Variants in XPO7 observed in about 807,000 individuals in gnomAD.
XPO7 encodes exportin-7.
A neutral mutation model predicts 144.3 loss-of-function variants in XPO7; 21 were observed. The observed-to-expected ratio is 0.15, with a 90% CI of 0.10 to 0.21. XPO7 has a LOEUF of 0.21. Ranked by LOEUF, XPO7 falls within the 10% of genes least tolerant of loss-of-function variation. The pLI is 1.00. For synonymous variants in XPO7, 580 were observed against 499.6 expected, an observed-to-expected ratio of 1.16 and a Z score of -2.15; for missense variants, 808 against 1,325.8, an observed-to-expected ratio of 0.61 and a Z score of 6.06.
At chr8:21,999,819 G>A (rs1813078092) in intron 24 of XPO7, 145 bp downstream of exon 24, 1 of 1,051,598 alleles carries the variant, frequency 9.5e-7, no homozygotes, top group African/African-American at 1.6e-5. Context: ...ATAATGCACA[G>A]CACATGCTTA....
At chr8:21,920,666 C>G (rs1810250617) in intron 1 of XPO7, among the ~76,000 whole-genome samples, 1 of 152,168 alleles carries the variant, frequency 6.6e-6, no homozygotes, top group Non-Finnish European at 1.5e-5. Flanking sequence ...AGATGGAGGA[C>G]TGCAGGGTTT....
At chr8:21,990,151 T>C (rs981784613) in intron 16 of XPO7, among the ~76,000 whole-genome samples, 193 bp from the exon 17 acceptor site, 1 of 151,956 alleles carries the variant, frequency 6.6e-6, no homozygotes, top group Non-Finnish European at 1.5e-5. Context: ...GCCCGGCCAG[T>C]ATAGGTGTTT....
intron 13 of XPO7, 42 bp from the exon 14 acceptor site, chr8:21,987,099 G>C (rs779879304): frequency 6.2e-7 from 1 of 1,612,032 alleles, no homozygotes; most frequent in Non-Finnish European, 8.5e-7. Context: ...GAGTAAACAG[G>C]ATGTCCTGCT....
intron 1 of XPO7, among the ~76,000 whole-genome samples, chr8:21,953,942 G>T (rs1811454060): frequency 6.6e-6 from 1 of 152,058 alleles, no homozygotes; most frequent in African/African-American, 2.4e-5. Flanking sequence ...CTCCCATTTG[G>T]TAACTAGTCT....
intron 1 of XPO7, among the ~76,000 whole-genome samples, chr8:21,924,179 A>G (rs748150181): frequency 1.2e-4 from 19 of 152,254 alleles, no homozygotes; most frequent in African/African-American, 3.9e-4. Context: ...TTCTTTACCA[A>G]TGGGCCTCTC....
intron 1 of XPO7, among the ~76,000 whole-genome samples, chr8:21,955,518 G>T (rs1038927483): frequency 6.6e-5 from 10 of 152,112 alleles, no homozygotes; most frequent in Non-Finnish European, 1.5e-4. Flanking sequence ...GTGGTGGCAG[G>T]GATCTTGGTG....
At chr8:21,958,419 G>A (rs762632658) in intron 1 of XPO7, among the ~76,000 whole-genome samples, 6 of 152,120 alleles carry the variant, frequency 3.9e-5, no homozygotes, top group African/African-American at 7.2e-5. Context: ...ATTTATTAGC[G>A]TTAAACTAAT....
chr8:21,933,958 A>G (rs575796666), intron 1 of XPO7, among the ~76,000 whole-genome samples: 25 of 152,310 alleles, frequency 1.6e-4, no homozygotes, highest in African/African-American at 6.0e-4. Context: ...TTAAAATCTT[A>G]ATTTTGTTAT....
chr8:21,969,817 T>C (rs548809743), intron 3 of XPO7: 1 of 552,802 alleles, frequency 1.8e-6, no homozygotes, highest in African/African-American at 1.9e-5. Context: ...ATTCATCTTT[T>C]CTTTACTGCC....
intron 1 of XPO7, 113 bp downstream of exon 1, chr8:21,919,901 C>A: frequency 3.9e-6 from 1 of 257,592 alleles, no homozygotes; most frequent in Non-Finnish European, 7.7e-6. Context: ...GCCCGCGCCG[C>A]CGCCACTCGG....
chr8:21,926,143 A>G (rs922677510), intron 1 of XPO7, among the ~76,000 whole-genome samples: 1 of 152,172 alleles, frequency 6.6e-6, no homozygotes, highest in Admixed American at 6.5e-5. Flanking sequence ...GAAAAACATT[A>G]GTTAGATGAA....
chr8:21,990,305 T>A, intron 16 of XPO7, 39 bp from the exon 17 acceptor site: 1 of 1,605,840 alleles, frequency 6.2e-7, no homozygotes, highest in Non-Finnish European at 8.5e-7. Flanking sequence ...AGTTTCGGCC[T>A]GCTTCACACT....
intron 9 of XPO7, among the ~76,000 whole-genome samples, chr8:21,981,253 GATATAA>G (rs569477808): frequency 1.3e-5 from 2 of 152,296 alleles, no homozygotes; most frequent in East Asian, 3.9e-4. Flanking sequence ...TACAGTAAGT[GATATAA>G]ATATATGAAA....
rs1464445096 is a variant in XPO7 at position 21,970,256 on chromosome 8, G to C, written c.372G>C (p.Gln124His). The change falls in exon 4 of 28, where the codon CAG becomes CAC. Residue 124 changes from glutamine to histidine, a missense_variant. Physicochemically the swap from Gln to His is conservative, Grantham distance 24. This residue lies in a region of XPO7 where 223 missense variants were observed against 368.8 expected (regional missense o/e 0.60). Transcript: ENST00000252512. ...CAAAACTGGGCTGGTTTGACTGTCA[G>C]AAGGATGACTATGTCTTCAGAAATG... Reference protein sequence around the residue: ...RITKLGWFDCQKDDYVFRNAI... With the variant: ...RITKLGWFDCHKDDYVFRNAI... The C allele has an allele frequency of 6.2e-7, 1 of 1,613,814 alleles. No individual in the cohort carries two copies. Among genetic ancestry groups the C allele is most frequent in the South Asian group, 1.1e-5 (1 of 91,074 alleles).
intron 1 of XPO7, among the ~76,000 whole-genome samples, chr8:21,947,841 C>A (rs77279840): frequency 3.3e-5 from 5 of 152,126 alleles, no homozygotes; most frequent in African/African-American, 1.2e-4. Flanking sequence ...TTACAAGTCA[C>A]TAAATAACAA....
intron 1 of XPO7, among the ~76,000 whole-genome samples, chr8:21,949,161 T>C (rs1274851985): frequency 1.3e-5 from 2 of 152,396 alleles, no homozygotes; most frequent in Admixed American, 1.3e-4. Context: ...AAAAATCTCA[T>C]GAACTGACAC....
intron 1 of XPO7, among the ~76,000 whole-genome samples, chr8:21,941,538 C>T (rs762806805): frequency 2.0e-5 from 3 of 152,076 alleles, no homozygotes; most frequent in African/African-American, 7.2e-5. Flanking sequence ...TGTATTGTTT[C>T]GGGAATAATG....
intron 1 of XPO7, among the ~76,000 whole-genome samples, chr8:21,959,384 G>C (rs1403169999): frequency 6.6e-6 from 1 of 152,174 alleles, no homozygotes; most frequent in Non-Finnish European, 1.5e-5. Context: ...CTTGTAAAGT[G>C]GGTGTTATTT....
chr8:21,993,849 C>G (rs1812846885), intron 19 of XPO7, among the ~76,000 whole-genome samples: 1 of 151,858 alleles, frequency 6.6e-6, no homozygotes. Flanking sequence ...TCTACCTCTT[C>G]TTCTTTGGGA....
Sources: allele counts gnomAD v4.1 joint callset (sites outside exome capture counted in the v4.1 genomes callset), GRCh38; gene constraint gnomAD v4.1.1; regional missense constraint gnomAD v4.1.1; transcripts MANE v1.5; gene names NCBI Gene and HGNC (gene_info 2026-07-23, HGNC 2026-07-21).